The following RHEX variants were observed in gnomAD, a reference collection of about 807,000 sequenced individuals.
RHEX encodes regulator of hemoglobinization and erythroid cell expansion.
RHEX carries 18 observed loss-of-function variants against 20.1 expected under a neutral mutation model. The ratio of observed to expected loss-of-function variants is 0.90; its 90% CI spans 0.62 to 1.33. The LOEUF (loss-of-function observed/expected upper bound fraction) is 1.33, where lower values mean the gene tolerates loss of function less well. Among genes scored for constraint, RHEX ranks in the 40% most tolerant of loss-of-function variants. The pLI, the probability that RHEX is intolerant of heterozygous loss-of-function variation, is 0.00. For synonymous variants in RHEX, 87 were observed against 77.1 expected (o/e 1.13, Z -0.67); for missense variants, 192 against 214.3 (o/e 0.90, Z 0.65).
At chr1:206,063,281 G>A (rs1204779724) in intron 1 of RHEX, among the ~76,000 whole-genome samples, 1 of 152,108 alleles carries the variant, frequency 6.6e-6, no homozygotes, top group Non-Finnish European at 1.5e-5. Context: ...GCAAAGATGT[G>A]GGGAGAGTCA....
At chr1:206,058,435 G>C (rs1662241130) in intron 1 of RHEX, among the ~76,000 whole-genome samples, 1 of 152,206 alleles carries the variant, frequency 6.6e-6, no homozygotes, top group South Asian at 2.1e-4. Flanking sequence ...GGAAATGAGG[G>C]AAGAGAGAGA....
intron 1 of RHEX, among the ~76,000 whole-genome samples, chr1:206,086,940 G>A (rs561535692): frequency 2.4e-4 from 37 of 152,198 alleles, no homozygotes; most frequent in African/African-American, 7.7e-4. Flanking sequence ...CCAGGAGGTC[G>A]AGGCTGCAGT....
intron 1 of RHEX, among the ~76,000 whole-genome samples, chr1:206,055,923 A>G (rs1056829058): frequency 2.0e-5 from 3 of 152,290 alleles, no homozygotes; most frequent in Non-Finnish European, 4.4e-5. Context: ...TGGTAGCAAT[A>G]GCCCTGTTAG....
intron 1 of RHEX, among the ~76,000 whole-genome samples, chr1:206,080,512 A>G (rs1270956454): frequency 1.3e-5 from 2 of 152,172 alleles, no homozygotes; most frequent in Non-Finnish European, 2.9e-5. Flanking sequence ...GAAATGGGCT[A>G]CGGGGTGGGG....
chr1:206,070,693 A>G (rs1404624961), intron 1 of RHEX, among the ~76,000 whole-genome samples: 2 of 152,220 alleles, frequency 1.3e-5, no homozygotes, highest in African/African-American at 4.8e-5. Context: ...GACCATAAAA[A>G]GCAGACTGCC....
At position 206,098,129 on chromosome 1, in the gene RHEX, C is replaced by T. The variant is rs1553287958; in HGVS notation, c.60C>T (p.Phe20=). 1.9e-6 allele frequency: 3 copies of T among 1,614,080 alleles called. No individual in the cohort carries two copies. The highest frequency in any genetic ancestry group is 2.5e-6 in the Non-Finnish European group (3 of 1,179,988). The change falls in exon 3 of 6, where the codon TTC becomes TTT. Residue 20 remains phenylalanine, a synonymous_variant. Transcript: ENST00000331555. ...HGLVIAVVSL[F]LQACFLTAIN... Reference sequence around the variant, plus strand: ...TAGTGATCGCGGTGGTGTCCCTCTTCCTGCAGGCCTGCTTCCTCACCGCCA... The same window carrying T: ...TAGTGATCGCGGTGGTGTCCCTCTTTCTGCAGGCCTGCTTCCTCACCGCCA...
chr1:206,080,514 G>A (rs149759103), intron 1 of RHEX, among the ~76,000 whole-genome samples: 444 of 152,300 alleles, frequency 2.9e-3, no homozygotes, highest in African/African-American at 0.01. Flanking sequence ...AATGGGCTAC[G>A]GGGTGGGGTA....
At chr1:206,087,409 G>A (rs1174854101) in intron 1 of RHEX, among the ~76,000 whole-genome samples, 2 of 151,960 alleles carry the variant, frequency 1.3e-5, no homozygotes, top group Non-Finnish European at 2.9e-5. Flanking sequence ...TGTCTCTTGG[G>A]GATCTCTTTT....
intron 1 of RHEX, among the ~76,000 whole-genome samples, chr1:206,076,523 C>T (rs140765910): frequency 9.5e-4 from 145 of 152,332 alleles, no homozygotes; most frequent in Non-Finnish European, 1.6e-3. Context: ...CTCACGCCCA[C>T]GGCAGGGAAG....
At chr1:206,088,752 G>T (rs1181630339) in intron 1 of RHEX, among the ~76,000 whole-genome samples, 1 of 152,204 alleles carries the variant, frequency 6.6e-6, no homozygotes, top group Non-Finnish European at 1.5e-5. Context: ...TGTTATTACT[G>T]AACTACTATG....
At chr1:206,076,548 A>T (rs182243558) in intron 1 of RHEX, among the ~76,000 whole-genome samples, 1 of 152,348 alleles carries the variant, frequency 6.6e-6, no homozygotes, top group Non-Finnish European at 1.5e-5. Context: ...ACTGGATGAC[A>T]ACTGCAAGAT....
chr1:206,084,410 G>A (rs768461468), intron 1 of RHEX, among the ~76,000 whole-genome samples: 69 of 152,202 alleles, frequency 4.5e-4, no homozygotes, highest in Non-Finnish European at 9.4e-4. Context: ...CACACCTAAA[G>A]ACGTAAGTGC....
intron 1 of RHEX, among the ~76,000 whole-genome samples, chr1:206,091,334 G>A (rs1346902806): frequency 1.3e-5 from 2 of 152,098 alleles, no homozygotes; most frequent in South Asian, 2.1e-4. Flanking sequence ...TACTCATTTC[G>A]GATAAGGGTT....
chr1:206,102,102 T>C lies in RHEX; in HGVS notation c.*150T>C. On this transcript the variant is annotated 3_prime_UTR_variant, in exon 6 of 6. Coordinates refer to ENST00000331555, the MANE Select transcript of RHEX (RefSeq NM_001007544.4). The stretch of plus-strand genomic sequence containing the variant: ...GAATGTGGAGAAGAAAACTGATAAA[T>C]ACACAGAGGTCCTCAAGACCCATGG... 1 of 696,258 alleles carries C rather than the reference T, an allele frequency of 1.4e-6. No homozygotes were observed. Among genetic ancestry groups the C allele is most frequent in the East Asian group, 2.5e-5 (1 of 39,398 alleles). 43.1% of individuals were successfully genotyped at this position (696,258 alleles called of 1,614,324 possible). A position where few individuals can be genotyped will look rare whatever the true frequency, so the allele number is the denominator to read the frequency against.
intron 1 of RHEX, among the ~76,000 whole-genome samples, chr1:206,072,153 C>G (rs981366064): frequency 6.6e-6 from 1 of 152,152 alleles, no homozygotes; most frequent in Non-Finnish European, 1.5e-5. Context: ...GAATTTAAAA[C>G]TGGCACAAAA....
At chr1:206,089,999 T>C (rs144544689) in intron 1 of RHEX, among the ~76,000 whole-genome samples, 2 of 152,050 alleles carry the variant, frequency 1.3e-5, no homozygotes, top group Non-Finnish European at 2.9e-5. Flanking sequence ...CTGGATCTAA[T>C]TTATTTTCTT....
intron 1 of RHEX, among the ~76,000 whole-genome samples, chr1:206,089,412 G>A (rs1423276582): frequency 6.6e-6 from 1 of 152,072 alleles, no homozygotes; most frequent in African/African-American, 2.4e-5. Flanking sequence ...GTATATTTTC[G>A]TAGAACAGAT....
intron 3 of RHEX, 87 bp downstream of exon 3, chr1:206,098,268 C>T (rs1663117837): frequency 5.2e-6 from 5 of 968,340 alleles, no homozygotes; most frequent in Non-Finnish European, 8.2e-6. Flanking sequence ...TTTGGAGTTC[C>T]CAAACGTCAC....
chr1:206,099,794 C>A lies in RHEX; in HGVS notation c.252C>A (p.Tyr84Ter), dbSNP rs782345006. Residue 84 changes from tyrosine (Y) to a stop codon, truncating the protein, a stop_gained, in exon 4 of 6, where the codon TAC becomes TAA. Transcript: ENST00000331555. LOFTEE classifies it high-confidence loss of function. The part of the protein sequence containing the change: ...ERDIPMSDSL[Y>*]RHDSDTPSDS... ...ACATCCCAATGTCTGATTCCCTTTA[C>A]AGGCGTGAGTAAGGGGTTGGAGGGA... 3.7e-6 allele frequency: 6 copies of A among 1,613,970 alleles called. No homozygotes were observed. Among genetic ancestry groups the A allele is most frequent in the South Asian group, 3.3e-5 (3 of 91,070 alleles).
Sources: allele counts gnomAD v4.1 joint callset (sites outside exome capture counted in the v4.1 genomes callset), GRCh38; gene constraint gnomAD v4.1.1; transcripts MANE v1.5; gene names NCBI Gene and HGNC (gene_info 2026-07-23, HGNC 2026-07-21).